SLC36A1: variants seen among roughly 807,000 people sequenced by gnomAD.
The protein encoded by SLC36A1 is proton-coupled amino acid transporter 1.
In SLC36A1, 30 loss-of-function variants were observed where a neutral mutation model predicts 47.5. That is an observed-to-expected ratio of 0.63 (90% CI 0.47 to 0.86). The LOEUF (loss-of-function observed/expected upper bound fraction) is 0.86. Among genes scored for constraint, SLC36A1 ranks in the 40% least tolerant of loss-of-function variants. SLC36A1 has a pLI of 0.00. For synonymous variants in SLC36A1, 255 were observed against 249.7 expected (o/e 1.02, Z -0.20); for missense variants, 517 against 606.0 (o/e 0.85, Z 1.54).
the SLC36A1 span, among the ~76,000 whole-genome samples, chr5:151,426,077 G>C: frequency 6.6e-6 from 1 of 151,930 alleles, no homozygotes; most frequent in Non-Finnish European, 1.5e-5. Flanking sequence ...TTTAAGGAGG[G>C]ATGTTGTGCA....
chr5:151,525,974 G>C, the SLC36A1 span: 1 of 1,613,392 alleles, frequency 6.2e-7, no homozygotes, highest in South Asian at 1.1e-5. Flanking sequence ...TCCTGAGACC[G>C]AGAGTGACAA....
At chr5:151,549,977 A>C in the SLC36A1 span, among the ~76,000 whole-genome samples, 2 of 152,210 alleles carry the variant, frequency 1.3e-5, no homozygotes, top group African/African-American at 4.8e-5. Flanking sequence ...GATCTTTAAG[A>C]CAGGAGGCCA....
the SLC36A1 span, among the ~76,000 whole-genome samples, chr5:151,371,585 T>G: frequency 6.6e-6 from 1 of 152,170 alleles, no homozygotes; most frequent in Admixed American, 6.5e-5. Context: ...TCATTGAGAC[T>G]TAGTGAAGTT....
chr5:151,453,226 TAAATAAAATA>T (rs1554108489), intron 1 of SLC36A1, among the ~76,000 whole-genome samples: 4 of 151,446 alleles, frequency 2.6e-5, no homozygotes, highest in Non-Finnish European at 4.4e-5. Flanking sequence ...TTAAAATAAA[TAAATAAAATA>T]AAATAAAATA....
the SLC36A1 span, among the ~76,000 whole-genome samples, chr5:151,350,410 G>A: frequency 1.5e-4 from 23 of 152,184 alleles, no homozygotes; most frequent in African/African-American, 5.3e-4. Flanking sequence ...AGGCCTCTTG[G>A]CATGTGCCTC....
the SLC36A1 span, chr5:151,512,495 C>G: frequency 6.2e-7 from 1 of 1,614,190 alleles, no homozygotes; most frequent in Non-Finnish European, 8.5e-7. This position sits in a 1 kb window ranked among gnomAD's most constrained non-coding sequence, Gnocchi z 4.1. Context: ...GCGTCCATCT[C>G]CTCCACCAGG....
the SLC36A1 span, among the ~76,000 whole-genome samples, chr5:151,386,233 T>C: frequency 6.6e-6 from 1 of 152,086 alleles, no homozygotes; most frequent in African/African-American, 2.4e-5. Context: ...GGTCCCCTAC[T>C]GGCTGTTCAC....
At chr5:151,365,183 C>A in the SLC36A1 span, among the ~76,000 whole-genome samples, 2 of 152,168 alleles carry the variant, frequency 1.3e-5, no homozygotes, top group African/African-American at 4.8e-5. Context: ...GATAAGAAGG[C>A]AATGATGGGA....
At chr5:151,505,940 GC>G in the SLC36A1 span, 1 of 1,580,566 alleles carries the variant, frequency 6.3e-7, no homozygotes, top group Non-Finnish European at 8.6e-7. Context: ...GGAAGGGGAA[GC>G]CCCCATAGAG....
At chr5:151,458,368 T>G (rs932404826) in intron 1 of SLC36A1, among the ~76,000 whole-genome samples, 2 of 135,008 alleles carry the variant, frequency 1.5e-5, no homozygotes, top group Non-Finnish European at 1.5e-5. Context: ...CACACACGAT[T>G]GAACTATTGC....
chr5:151,508,375 C>T, the SLC36A1 span, among the ~76,000 whole-genome samples: 4 of 152,180 alleles, frequency 2.6e-5, no homozygotes, highest in East Asian at 1.9e-4. Flanking sequence ...ATAGCATTCC[C>T]GACTGCAAAG....
chr5:151,469,285 G>A, intron 7 of SLC36A1: 2 of 692,296 alleles, frequency 2.9e-6, no homozygotes, highest in Non-Finnish European at 5.3e-6. Flanking sequence ...AGTATATTGA[G>A]AAATACATTG....
the SLC36A1 span, chr5:151,521,195 C>G: frequency 7.0e-7 from 1 of 1,422,074 alleles, no homozygotes; most frequent in Non-Finnish European, 9.5e-7. Flanking sequence ...CCCACAGAGC[C>G]TCAGTGGAAT....
the SLC36A1 span, among the ~76,000 whole-genome samples, chr5:151,358,401 A>G: frequency 6.6e-6 from 1 of 151,930 alleles, no homozygotes; most frequent in African/African-American, 2.4e-5. Flanking sequence ...CATCCCAAGT[A>G]TCTGAAACTA....
At chr5:151,395,003 G>A in the SLC36A1 span, among the ~76,000 whole-genome samples, 1 of 152,230 alleles carries the variant, frequency 6.6e-6, no homozygotes, top group East Asian at 1.9e-4. Context: ...TCCAGAGGTG[G>A]ATGGAGTCTA....
the SLC36A1 span, among the ~76,000 whole-genome samples, chr5:151,405,801 G>T: frequency 6.6e-6 from 1 of 152,000 alleles, no homozygotes; most frequent in Admixed American, 6.6e-5. Context: ...ATAGTTGATT[G>T]GCTTCATTTC....
the SLC36A1 span, among the ~76,000 whole-genome samples, chr5:151,520,542 C>T: frequency 1.7e-4 from 26 of 152,290 alleles, no homozygotes; most frequent in Admixed American, 1.2e-3. Context: ...ACTGCTACCA[C>T]GGGAATGACA....
In SLC36A1 at chr5:151,488,306, T is replaced by C. The variant is rs866715934; in HGVS notation, c.*52T>C. On this transcript the variant is annotated 3_prime_UTR_variant, in exon 11 of 11. Transcript: ENST00000243389. ...CTACCCCTGCCCCATGTGTCCCCCG[T>C]TACCTGTCCTCAGAGCCTCAGGTAT... 6.3e-7 allele frequency: 1 copy of C among 1,587,856 alleles called. No individual in the cohort carries two copies. The highest frequency in any genetic ancestry group is 1.7e-4 in the Middle Eastern group (1 of 5,918).
chr5:151,549,486 G>T, the SLC36A1 span: 14 of 1,614,140 alleles, frequency 8.7e-6, no homozygotes, highest in Non-Finnish European at 1.2e-5. Flanking sequence ...CCTCTTGATA[G>T]GTATTTCCTG....
Sources: gnomAD v4.1 joint callset for allele counts (sites outside exome capture counted in the v4.1 genomes callset) on GRCh38, gnomAD v4.1.1 for gene constraint, Gnocchi (gnomAD v3.1) non-coding constraint, MANE v1.5 for transcripts, NCBI Gene and HGNC (gene_info 2026-07-23, HGNC 2026-07-21) for gene names.